The following SLC25A51 variants were observed in gnomAD, a reference collection of about 807,000 sequenced individuals.
SLC25A51 encodes the protein solute carrier family 25 member 51.
Under a neutral mutation model 19.1 loss-of-function variants are expected in SLC25A51, and 11 were observed. The ratio of observed to expected loss-of-function variants is 0.58; its 90% CI spans 0.36 to 0.96. The LOEUF (loss-of-function observed/expected upper bound fraction) is 0.96. Ranked by LOEUF, SLC25A51 falls within the 40% of genes least tolerant of loss-of-function variation. The probability of loss-of-function intolerance (pLI) is 0.01; values close to 1 mark genes in which losing one functional copy is unlikely to be tolerated. For missense variants in SLC25A51, 201 were observed against 365.4 expected (o/e 0.55, Z 3.67); for synonymous variants, 105 against 133.6 (o/e 0.79, Z 1.47).
At chr9:37,886,762 C>T (rs1270006986), downstream of SLC25A51, among the ~76,000 whole-genome samples, 2 of 152,176 alleles carry the variant, frequency 1.3e-5, no homozygotes, top group Admixed American at 1.3e-4. Flanking sequence ...CTGGTTAGAC[C>T]TAGATTTAAC....
intron 2 of SLC25A51, among the ~76,000 whole-genome samples, chr9:37,892,018 G>A (rs139042157): frequency 6.6e-6 from 1 of 151,786 alleles, no homozygotes; most frequent in East Asian, 1.9e-4. Flanking sequence ...TGTATCCACA[G>A]GATGAGACAT....
downstream of SLC25A51, chr9:37,878,603 C>T (rs1831295912): frequency 6.3e-6 from 1 of 158,250 alleles, no homozygotes; most frequent in Middle Eastern, 3.2e-3. Flanking sequence ...ATGAGTCATG[C>T]CACATAGGCT....
chr9:37,879,074 G>A (rs1423752089), downstream of SLC25A51: 14 of 353,048 alleles, frequency 4.0e-5, no homozygotes, highest in African/African-American at 8.6e-5. Flanking sequence ...CTTAATCACC[G>A]TGAAAAAAAT....
chr9:37,903,893 C>G (rs1332035572), intron 1 of SLC25A51, 175 bp downstream of exon 1: 1 of 152,264 alleles, frequency 6.6e-6, no homozygotes, highest in Non-Finnish European at 1.5e-5. Context: ...TGATTCCGCC[C>G]GCGCCGCCTG....
intron 2 of SLC25A51, among the ~76,000 whole-genome samples, chr9:37,891,086 A>T (rs1361160542): frequency 6.6e-6 from 1 of 152,280 alleles, no homozygotes; most frequent in East Asian, 1.9e-4. Context: ...AGGGGCGTAT[A>T]TCTGCCAGAG....
At chr9:37,896,128 A>G (rs578193489) in intron 2 of SLC25A51, among the ~76,000 whole-genome samples, 3 of 152,254 alleles carry the variant, frequency 2.0e-5, no homozygotes, top group Admixed American at 2.0e-4. Flanking sequence ...TATCACGTAT[A>G]CTGTAATATC....
intron 2 of SLC25A51, among the ~76,000 whole-genome samples, chr9:37,895,735 A>T (rs1831701700): frequency 6.6e-6 from 1 of 152,056 alleles, no homozygotes. Context: ...TATTAAATAT[A>T]TCTCAACTTC....
downstream of SLC25A51, among the ~76,000 whole-genome samples, chr9:37,887,235 T>C (rs1831479337): frequency 6.6e-6 from 1 of 151,528 alleles, no homozygotes; most frequent in Non-Finnish European, 1.5e-5. Context: ...GAGAATTGCT[T>C]GAACCCTGGA....
intron 1 of SLC25A51, among the ~76,000 whole-genome samples, chr9:37,900,276 C>T (rs988805690): frequency 2.3e-4 from 35 of 151,828 alleles, no homozygotes; most frequent in Admixed American, 2.6e-4. Context: ...CGGTGAAACC[C>T]CATCTCTACG....
At chr9:37,893,918 A>T (rs900990586) in intron 2 of SLC25A51, among the ~76,000 whole-genome samples, 1 of 152,170 alleles carries the variant, frequency 6.6e-6, no homozygotes, top group African/African-American at 2.4e-5. Context: ...ACCCTGCAGC[A>T]ATCAGCCTGA....
intron 3 of SLC25A51, among the ~76,000 whole-genome samples, chr9:37,881,131 C>G (rs544145560): frequency 3.3e-5 from 5 of 151,440 alleles, no homozygotes; most frequent in African/African-American, 1.2e-4. Flanking sequence ...CACAATGTGG[C>G]TAAAACTTCA....
downstream of SLC25A51, among the ~76,000 whole-genome samples, chr9:37,885,359 A>C (rs990836023): frequency 2.8e-4 from 43 of 151,424 alleles, no homozygotes; most frequent in South Asian, 1.7e-3. Flanking sequence ...AAAAAAAAAA[A>C]AAAAAAAAAC....
At position 37,888,125 on chromosome 9, in the gene SLC25A51, C is replaced by G. The variant is rs749803632; in HGVS notation, c.426G>C (p.Gln142His). The G allele has an allele frequency of 6.2e-7, 1 of 1,613,948 alleles. No individual in the cohort carries two copies. Among genetic ancestry groups the G allele is most frequent in the Admixed American group, 1.7e-5 (1 of 60,010 alleles). Residue 142 changes from glutamine to histidine, a missense_variant, in exon 3 of 3, where the codon CAG becomes CAC. Transcript: ENST00000242275. ...GATGCTTGTGGTCTTGAAGCAATGT[C>G]TGAACTCTTTCCAGTGGAGTGAAAA... ...EAIFTPLERV[Q>H]TLLQDHKHHD...
At chr9:37,878,186 T>A (rs1831288849), downstream of SLC25A51, 1 of 169,558 alleles carries the variant, frequency 5.9e-6, no homozygotes, top group Admixed American at 6.5e-5. Flanking sequence ...AATTGCTTGT[T>A]AGATAGGCCA....
chr9:37,896,833 T>C (rs1831725648), intron 2 of SLC25A51, among the ~76,000 whole-genome samples: 1 of 152,178 alleles, frequency 6.6e-6, no homozygotes, highest in African/African-American at 2.4e-5. Flanking sequence ...CGGTATTAAC[T>C]TTGAATTTTT....
downstream of SLC25A51, chr9:37,886,440 C>T (rs911310347): frequency 1.0e-5 from 16 of 1,528,506 alleles, no homozygotes; most frequent in South Asian, 2.1e-4. Flanking sequence ...AGGCTCTTTC[C>T]ATAACCACAA....
chr9:37,886,379 A>G (rs1831458597), downstream of SLC25A51: 2 of 1,598,202 alleles, frequency 1.3e-6, no homozygotes, highest in Admixed American at 1.7e-5. Context: ...GGAAAGCAAG[A>G]AGGATAAATA....
downstream of SLC25A51, chr9:37,879,168 A>C (rs765180499): frequency 3.3e-5 from 11 of 332,610 alleles, no homozygotes; most frequent in Non-Finnish European, 6.7e-5. Flanking sequence ...CTGAGGATTA[A>C]AGCTGAGTAT....
At chr9:37,896,324 T>C (rs1010821551) in intron 2 of SLC25A51, among the ~76,000 whole-genome samples, 5 of 151,860 alleles carry the variant, frequency 3.3e-5, no homozygotes, top group African/African-American at 1.2e-4. Context: ...TGTTTTAACC[T>C]ATTGCAGCAT....
Sources: allele counts gnomAD v4.1 joint callset (sites outside exome capture counted in the v4.1 genomes callset), GRCh38; gene constraint gnomAD v4.1.1; transcripts MANE v1.5; gene names NCBI Gene and HGNC (gene_info 2026-07-23, HGNC 2026-07-21).